The following FLT1 variants were observed in gnomAD, a reference collection of about 807,000 sequenced individuals.
FLT1 encodes the protein fms related receptor tyrosine kinase 1, also known as vascular endothelial growth factor receptor 1.
In FLT1, 49 loss-of-function variants were observed where a neutral mutation model predicts 156.3. The ratio of observed to expected loss-of-function variants is 0.31; its 90% CI spans 0.25 to 0.40. The LOEUF (loss-of-function observed/expected upper bound fraction) is 0.40, where lower values mean the gene tolerates loss of function less well. Among genes scored for constraint, FLT1 ranks in the 10% least tolerant of loss-of-function variants. The pLI is 1.00. For synonymous variants in FLT1, 594 were observed against 583.8 expected, an observed-to-expected ratio of 1.02 and a Z score of -0.25; for missense variants, 1,322 against 1,637.2, an observed-to-expected ratio of 0.81 and a Z score of 3.32.
At chr13:28,363,237 T>C (rs964591041) in intron 14 of FLT1, among the ~76,000 whole-genome samples, 6 of 152,220 alleles carry the variant, frequency 3.9e-5, no homozygotes, top group Admixed American at 2.0e-4. Flanking sequence ...TTTTTTTGAC[T>C]GTGAGCACTT....
intron 4 of FLT1, among the ~76,000 whole-genome samples, chr13:28,435,669 T>C (rs923175910): frequency 5.3e-5 from 8 of 152,356 alleles, no homozygotes; most frequent in Admixed American, 4.6e-4. Flanking sequence ...GATCTGGATT[T>C]GTGATCCTAT....
intron 7 of FLT1, among the ~76,000 whole-genome samples, chr13:28,430,431 T>A (rs1877615565): frequency 6.6e-6 from 1 of 152,114 alleles, no homozygotes; most frequent in African/African-American, 2.4e-5. Context: ...ACCTTAAATA[T>A]CTCTATCACA....
chr13:28,364,403 A>C (rs1873214501), intron 14 of FLT1, among the ~76,000 whole-genome samples: 1 of 152,156 alleles, frequency 6.6e-6, no homozygotes, highest in African/African-American at 2.4e-5. Context: ...ACAAAGCTTT[A>C]AATTTTTTAA....
At chr13:28,394,241 G>A (rs547523746) in intron 12 of FLT1, among the ~76,000 whole-genome samples, 1 of 152,296 alleles carries the variant, frequency 6.6e-6, no homozygotes, top group African/African-American at 2.4e-5. Context: ...GTATATTCCA[G>A]GCAATGAGGG....
chr13:28,330,998 A>C (rs1273520083), intron 18 of FLT1, among the ~76,000 whole-genome samples: 2 of 152,198 alleles, frequency 1.3e-5, no homozygotes, highest in Non-Finnish European at 2.9e-5. Context: ...CCAGCAGGTT[A>C]ACCACGTTAA....
At chr13:28,479,651 G>A (rs1007022681) in intron 1 of FLT1, among the ~76,000 whole-genome samples, 7 of 152,092 alleles carry the variant, frequency 4.6e-5, no homozygotes, top group African/African-American at 1.2e-4. Context: ...ATAATTTACC[G>A]AATGTTTTTC....
rs113580108 is a variant in FLT1, at chr13:28,383,994, G to A, written c.2116+891C>T. 5.6e-3 allele frequency among the ~76,000 whole-genome samples: 848 copies of A among 152,242 alleles called. 1 individual carries two copies. The highest frequency in any genetic ancestry group is 0.019 in the African/African-American group (782 of 41,540). ...GAAGGTGCTGGAACCAATTTCCCAC[G>A]GATCCCATGGCACTATATGTATTGT... On this transcript the variant is annotated intron_variant, in intron 14 of 29. Transcript: ENST00000282397.
chr13:28,460,988 G>T (rs529129709), intron 3 of FLT1, among the ~76,000 whole-genome samples: 1 of 151,856 alleles, frequency 6.6e-6, no homozygotes, highest in East Asian at 1.9e-4. Context: ...TTTGAGACAG[G>T]GTTTCACTAC....
chr13:28,326,443 C>T (rs1566287465), intron 20 of FLT1, among the ~76,000 whole-genome samples: 4 of 151,546 alleles, frequency 2.6e-5, no homozygotes, highest in Admixed American at 2.6e-4. Context: ...CAGAGAAGGA[C>T]ACAGTATTGG....
At chr13:28,436,801 A>T (rs1878049000) in intron 4 of FLT1, among the ~76,000 whole-genome samples, 1 of 152,238 alleles carries the variant, frequency 6.6e-6, no homozygotes, top group African/African-American at 2.4e-5. Flanking sequence ...TACTGTTCTA[A>T]GTGCTTTCCA....
intron 11 of FLT1, among the ~76,000 whole-genome samples, chr13:28,402,948 T>A (rs9319430): frequency 0.44 from 66,562 of 151,762 alleles, 15,826 homozygotes; most frequent in Middle Eastern, 0.6. Flanking sequence ...CCCGGCTAAT[T>A]TTTGTATTGC....
intron 16 of FLT1, among the ~76,000 whole-genome samples, chr13:28,339,644 A>T (rs1200668328): frequency 6.6e-6 from 1 of 152,228 alleles, no homozygotes; most frequent in African/African-American, 2.4e-5. Flanking sequence ...TTATAAAGTC[A>T]TTCCAAACAA....
Position 28,302,642 on chromosome 13 carries a change from A to G in FLT1, c.*525T>C. On this transcript the variant is annotated 3_prime_UTR_variant, in exon 30 of 30. Transcript: ENST00000282397. ...CATGGTGCGTCTCAAATTCTTTCTC[A>G]TGCCTTCTCCCGGTTTCTCTTTTCT... The G allele has an allele frequency of 4.3e-6, 1 of 234,982 alleles. No homozygotes were observed. Among genetic ancestry groups the G allele is most frequent in the Non-Finnish European group, 8.4e-6 (1 of 119,448 alleles). 14.6% of individuals were successfully genotyped at this position (234,982 alleles called of 1,614,324 possible).
intron 1 of FLT1, among the ~76,000 whole-genome samples, chr13:28,486,507 G>A (rs1157976061): frequency 6.6e-6 from 1 of 152,238 alleles, no homozygotes; most frequent in Non-Finnish European, 1.5e-5. Context: ...GTGGGTGCCC[G>A]GGACAGGCCA....
chr13:28,360,058 C>T (rs1018953320), intron 14 of FLT1, among the ~76,000 whole-genome samples: 3 of 152,034 alleles, frequency 2.0e-5, no homozygotes, highest in African/African-American at 4.8e-5. Context: ...TTGCAGTGAG[C>T]GAGATCGTGC....
chr13:28,317,026 G>C (rs1376243340), intron 25 of FLT1, among the ~76,000 whole-genome samples: 1 of 152,200 alleles, frequency 6.6e-6, no homozygotes. Flanking sequence ...TCCAAGACCT[G>C]TTCTGCAGAC....
At chr13:28,324,843 T>C (rs35610009) in intron 20 of FLT1, among the ~76,000 whole-genome samples, 8,984 of 152,248 alleles carry the variant, frequency 0.059, 477 homozygotes, top group Admixed American at 0.16. Context: ...ACTCAGGCTC[T>C]CTCACTCCCT....
At chr13:28,369,914 T>C (rs929105164) in intron 14 of FLT1, among the ~76,000 whole-genome samples, 2 of 151,938 alleles carry the variant, frequency 1.3e-5, no homozygotes, top group Admixed American at 1.3e-4. Context: ...AAAAATGCCA[T>C]ATAGGCCGGG....
chr13:28,386,057 C>CA (rs1565996591), intron 13 of FLT1: 1 of 1,054,104 alleles, frequency 9.5e-7, no homozygotes, highest in Non-Finnish European at 1.1e-6. Flanking sequence ...GCATAACTGA[C>CA]ACGTTCTCTG....
Sources: gnomAD v4.1 joint callset for allele counts (sites outside exome capture counted in the v4.1 genomes callset) on GRCh38, gnomAD v4.1.1 for gene constraint, MANE v1.5 for transcripts, NCBI Gene and HGNC (gene_info 2026-07-23, HGNC 2026-07-21) for gene names.